Variants in SPTLC3 observed in about 807,000 individuals in gnomAD.
The protein encoded by SPTLC3 is serine palmitoyltransferase 3.
SPTLC3 carries 36 observed loss-of-function variants against 59.3 expected under a neutral mutation model. That is an observed-to-expected ratio of 0.61 (90% CI 0.47 to 0.80). SPTLC3 has a LOEUF of 0.80. Ranked by LOEUF, SPTLC3 falls within the 30% of genes least tolerant of loss-of-function variation. The pLI is 0.00. For synonymous variants in SPTLC3, 257 were observed against 240.8 expected, an observed-to-expected ratio of 1.07 and a Z score of -0.62; for missense variants, 625 against 685.1, an observed-to-expected ratio of 0.91 and a Z score of 0.98.
At chr20:13,069,793 C>A (rs1445269187) in intron 2 of SPTLC3, among the ~76,000 whole-genome samples, 1 of 152,164 alleles carries the variant, frequency 6.6e-6, no homozygotes, top group African/African-American at 2.4e-5. Flanking sequence ...AGACAGAATA[C>A]TTTGATTCTT....
At chr20:13,045,281 A>C (rs533986473) in intron 1 of SPTLC3, among the ~76,000 whole-genome samples, 28 of 152,340 alleles carry the variant, frequency 1.8e-4, no homozygotes, top group African/African-American at 6.7e-4. Flanking sequence ...AATGTGGCTC[A>C]GGGTCTGTTT....
chr20:13,042,194 G>A lies in SPTLC3; in HGVS notation c.118-6751G>A, dbSNP rs528066075. Among the ~76,000 whole-genome samples, 8 of 152,240 alleles carry A rather than the reference G, an allele frequency of 5.3e-5. No individual in the cohort carries two copies. The East Asian group carries it at 9.7e-4, about 18-fold the overall frequency. On this transcript the variant is annotated intron_variant, in intron 1 of 11. Coordinates refer to ENST00000399002, the MANE Select transcript of SPTLC3 (RefSeq NM_018327.4). ...TGAAGATTAGCTTGTTGCTTTTACCGAGTTACCAGTCTCTTCTAAAGTGCT... is the reference window on the plus strand; with the variant it reads ...TGAAGATTAGCTTGTTGCTTTTACCAAGTTACCAGTCTCTTCTAAAGTGCT...
chr20:13,069,662 G>A (rs1988367316), intron 2 of SPTLC3, among the ~76,000 whole-genome samples: 1 of 152,182 alleles, frequency 6.6e-6, no homozygotes, highest in African/African-American at 2.4e-5. Context: ...ACAGGCCACA[G>A]ACTGGTACCT....
chr20:13,060,037 A>G (rs541008570), intron 2 of SPTLC3, among the ~76,000 whole-genome samples: 3 of 152,096 alleles, frequency 2.0e-5, no homozygotes, highest in Non-Finnish European at 2.9e-5. Context: ...CAAACCTGCA[A>G]CATTTCTTGT....
At chr20:13,025,340 C>T (rs1986090686) in intron 1 of SPTLC3, among the ~76,000 whole-genome samples, 1 of 152,152 alleles carries the variant, frequency 6.6e-6, no homozygotes, top group African/African-American at 2.4e-5. Flanking sequence ...TAACCTCACC[C>T]TACAGCCTTA....
intron 1 of SPTLC3, among the ~76,000 whole-genome samples, chr20:13,030,808 T>C (rs1986403938): frequency 6.6e-6 from 1 of 152,148 alleles, no homozygotes; most frequent in South Asian, 2.1e-4. Flanking sequence ...TTTTTATTCC[T>C]GGTAAACTCC....
At chr20:13,139,883 G>A (rs1387592271) in intron 9 of SPTLC3, among the ~76,000 whole-genome samples, 1 of 152,182 alleles carries the variant, frequency 6.6e-6, no homozygotes, top group Non-Finnish European at 1.5e-5. Flanking sequence ...GACTGAATAT[G>A]GATCTCTCCT....
chr20:13,015,869 G>T (rs1985503245), intron 1 of SPTLC3, among the ~76,000 whole-genome samples: 1 of 151,820 alleles, frequency 6.6e-6, no homozygotes, highest in Admixed American at 6.6e-5. Context: ...CATGGGAAAA[G>T]TCTTTATAAC....
chr20:13,147,096 A>G (rs1252906325), intron 9 of SPTLC3, among the ~76,000 whole-genome samples: 2 of 152,200 alleles, frequency 1.3e-5, no homozygotes, highest in African/African-American at 4.8e-5. Flanking sequence ...CCTCGAAATC[A>G]GGCCATGCCG....
chr20:13,151,742 G>T (rs2038652979), intron 9 of SPTLC3, among the ~76,000 whole-genome samples: 1 of 152,162 alleles, frequency 6.6e-6, no homozygotes, highest in Non-Finnish European at 1.5e-5. Context: ...GAAGTATTTT[G>T]GGAGTGATAG....
intron 11 of SPTLC3, among the ~76,000 whole-genome samples, chr20:13,161,864 G>A (rs1050036931): frequency 3.3e-5 from 5 of 152,104 alleles, no homozygotes; most frequent in African/African-American, 4.8e-5. Context: ...CATGTCCTTC[G>A]TCTTCACCAG....
intron 6 of SPTLC3, among the ~76,000 whole-genome samples, chr20:13,105,104 G>A (rs1989805065): frequency 6.6e-6 from 1 of 152,060 alleles, no homozygotes; most frequent in Admixed American, 6.6e-5. Flanking sequence ...TTAAATCTGC[G>A]GGTTTGTAAC....
intron 7 of SPTLC3, among the ~76,000 whole-genome samples, chr20:13,112,539 T>G (rs1884508): frequency 0.32 from 48,438 of 152,054 alleles, 7,871 homozygotes; most frequent in Middle Eastern, 0.39. Flanking sequence ...CTTGTATGTA[T>G]AAGGATGGGA....
intron 4 of SPTLC3, among the ~76,000 whole-genome samples, chr20:13,085,139 G>A (rs1988964305): frequency 6.6e-6 from 1 of 152,126 alleles, no homozygotes; most frequent in African/African-American, 2.4e-5. Context: ...CCATGATGGA[G>A]GGTCTTTAAC....
At chr20:13,098,697 A>G (rs1012663650) in intron 6 of SPTLC3, among the ~76,000 whole-genome samples, 1 of 152,212 alleles carries the variant, frequency 6.6e-6, no homozygotes, top group Non-Finnish European at 1.5e-5. Flanking sequence ...ACTAACATTT[A>G]TTGAGAAAGT....
At chr20:13,091,329 C>T in intron 5 of SPTLC3, 122 bp downstream of exon 5, 3 of 1,263,836 alleles carry the variant, frequency 2.4e-6, no homozygotes, top group South Asian at 3.1e-5. Flanking sequence ...AATCCTAGCA[C>T]TTTGGGAGCC....
intron 4 of SPTLC3, among the ~76,000 whole-genome samples, chr20:13,074,744 G>C (rs535588876): frequency 3.1e-4 from 47 of 152,286 alleles, no homozygotes; most frequent in African/African-American, 1.1e-3. Context: ...ATCTAAAATA[G>C]CAACACTGTG....
intron 1 of SPTLC3, among the ~76,000 whole-genome samples, chr20:13,021,149 C>A: frequency 1.3e-5 from 2 of 152,282 alleles, no homozygotes; most frequent in East Asian, 3.9e-4. Flanking sequence ...AAAGCACATT[C>A]TTCTCTTGAC....
chr20:13,024,236 A>G (rs1986035795), intron 1 of SPTLC3, among the ~76,000 whole-genome samples: 1 of 152,178 alleles, frequency 6.6e-6, no homozygotes, highest in Non-Finnish European at 1.5e-5. Context: ...ATCTAGTCAC[A>G]GGACCTGTCT....
Sources: allele counts gnomAD v4.1 joint callset (sites outside exome capture counted in the v4.1 genomes callset), GRCh38; gene constraint gnomAD v4.1.1; transcripts MANE v1.5; gene names NCBI Gene and HGNC (gene_info 2026-07-23, HGNC 2026-07-21).